The following FAR2 variants were observed in gnomAD, a reference collection of about 807,000 sequenced individuals.
FAR2 encodes epididymis secretory protein Li 81.
In FAR2, 19 loss-of-function variants were observed where a neutral mutation model predicts 56.0. That is an observed-to-expected ratio of 0.34 (90% CI 0.24 to 0.50). FAR2 has a LOEUF of 0.50. FAR2 is among the 20% of genes least tolerant of loss of function. The probability of loss-of-function intolerance (pLI) is 0.98; values close to 1 mark genes in which losing one functional copy is unlikely to be tolerated. For synonymous variants in FAR2, 219 were observed against 218.8 expected, an observed-to-expected ratio of 1.00 and a Z score of -0.01; for missense variants, 508 against 642.2, an observed-to-expected ratio of 0.79 and a Z score of 2.26.
In FAR2 at chr12:29,177,751, A is replaced by G. The variant is rs540407188; in HGVS notation, c.-39+28344A>G. On this transcript the variant is annotated intron_variant, in intron 1 of 11. Coordinates refer to ENST00000536681, the MANE Select transcript of FAR2 (RefSeq NM_001271783.2). ...GGCTCTAGATGGTATTTTTATCCCC[A>G]TTTCACAGATGCGTTCCAAGATTTT... 3.3e-5 allele frequency among the ~76,000 whole-genome samples: 5 copies of G among 152,220 alleles called. No individual in the cohort carries two copies. In the East Asian group the frequency reaches 9.7e-4, roughly 29 times the overall value.
intron 1 of FAR2, among the ~76,000 whole-genome samples, chr12:29,162,774 A>T (rs1013756207): frequency 6.6e-6 from 1 of 152,168 alleles, no homozygotes; most frequent in African/African-American, 2.4e-5. Flanking sequence ...TCACACATTT[A>T]CTGTCTCATT....
At chr12:29,295,220 CCCA>C (rs1949040594) in intron 3 of FAR2, among the ~76,000 whole-genome samples, 1 of 152,070 alleles carries the variant, frequency 6.6e-6, no homozygotes, top group Non-Finnish European at 1.5e-5. Flanking sequence ...ACTACAGGCA[CCCA>C]CCACCATGCC....
intron 1 of FAR2, among the ~76,000 whole-genome samples, chr12:29,199,945 T>A (rs758971757): frequency 1.3e-5 from 2 of 152,186 alleles, no homozygotes; most frequent in Non-Finnish European, 2.9e-5. Flanking sequence ...GACATCTGAA[T>A]AGAGTAGTAG....
In FAR2 at chr12:29,149,384, C is replaced by G. The variant is rs1264627022; in HGVS notation, c.-62C>G. The G allele has an allele frequency of 6.6e-6, 1 of 152,344 alleles. No homozygotes were observed. Among genetic ancestry groups the G allele is most frequent in the South Asian group, 2.1e-4 (1 of 4,838 alleles). The allele number at this position is 152,344 out of a possible 1,614,324, so 9.4% of individuals were successfully genotyped here. A position where few individuals can be genotyped will look rare whatever the true frequency, so the allele number is the denominator to read the frequency against. ...GGATTTAGAGGACCACTAGTTGGAC[C>G]CCATCCTCGTGCTGGAGGAACAGGT... On this transcript the variant is annotated 5_prime_UTR_variant, in exon 1 of 12. Transcript: ENST00000536681.
At chr12:29,155,974 A>G (rs1271770011) in intron 1 of FAR2, among the ~76,000 whole-genome samples, 1 of 152,268 alleles carries the variant, frequency 6.6e-6, no homozygotes, top group Non-Finnish European at 1.5e-5. Flanking sequence ...ATTCAGGCAC[A>G]GAAAGAGAAA....
chr12:29,325,838 G>C (rs1395731519), intron 10 of FAR2, among the ~76,000 whole-genome samples: 1 of 152,120 alleles, frequency 6.6e-6, no homozygotes, highest in East Asian at 1.9e-4. Flanking sequence ...ACAATTAAAA[G>C]AACTAGAGAA....
At position 29,232,821 on chromosome 12, in the gene FAR2, G is replaced by GCGCACACACA. The variant is rs71444325; in HGVS notation, c.-38-37590_-38-37589insGCACACACAC. Among the ~76,000 whole-genome samples the GCGCACACACA allele has an allele frequency of 8.7e-3, 1,270 of 145,930 alleles. 27 individuals are homozygous for GCGCACACACA. The highest frequency in any genetic ancestry group is 0.03 in the African/African-American group (1,198 of 40,082). On this transcript the variant is annotated intron_variant, in intron 1 of 11. Coordinates refer to ENST00000536681, the MANE Select transcript of FAR2 (RefSeq NM_001271783.2). The stretch of plus-strand genomic sequence containing the variant: ...CACACACACACACATACGCGCTCGC[G>GCGCACACACA]CACACACACACACACACACACACAC...
At chr12:29,199,201 G>GTGTA (rs1947371900) in intron 1 of FAR2, among the ~76,000 whole-genome samples, 1 of 152,192 alleles carries the variant, frequency 6.6e-6, no homozygotes, top group African/African-American at 2.4e-5. Flanking sequence ...ATATGCCATA[G>GTGTA]TGTATGACAC....
Position 29,307,717 on chromosome 12 carries a change from A to G in FAR2, c.605A>G (p.Asn202Ser). The G allele has an allele frequency of 1.2e-6, 2 of 1,613,940 alleles. No individual in the cohort carries two copies. Among genetic ancestry groups the G allele is most frequent in the Non-Finnish European group, 1.7e-6 (2 of 1,179,888 alleles). Residue 202 changes from asparagine (N) to serine (S), a missense_variant, in exon 5 of 12, where the codon AAT (asparagine) becomes AGT (serine). Coordinates refer to ENST00000536681, the MANE Select transcript of FAR2 (RefSeq NM_001271783.2). ...CCCAAGCTGATCAGAGATTGGCCCA[A>G]TATTTATACCTACACCAAGGCCTTG... ...ITPKLIRDWPNIYTYTKALGE... is the reference protein window; with the variant it reads ...ITPKLIRDWPSIYTYTKALGE...
At chr12:29,211,396 G>T (rs1197020919) in intron 1 of FAR2, among the ~76,000 whole-genome samples, 3 of 152,180 alleles carry the variant, frequency 2.0e-5, no homozygotes, top group Non-Finnish European at 2.9e-5. Context: ...TTTAAAGAGT[G>T]CTTTACATTT....
intron 4 of FAR2, among the ~76,000 whole-genome samples, chr12:29,298,091 G>A (rs2136761434): frequency 6.6e-6 from 1 of 150,902 alleles, no homozygotes; most frequent in South Asian, 2.1e-4. Flanking sequence ...TCCAAGATCT[G>A]GCAGAAGGTG....
chr12:29,303,058 C>A (rs759504053), intron 4 of FAR2, among the ~76,000 whole-genome samples: 29 of 152,122 alleles, frequency 1.9e-4, no homozygotes, highest in African/African-American at 2.7e-4. Context: ...TGAAGCAATG[C>A]GTTTTTGAGA....
chr12:29,249,684 A>G (rs957662702), intron 1 of FAR2, among the ~76,000 whole-genome samples: 7 of 152,204 alleles, frequency 4.6e-5, no homozygotes, highest in Admixed American at 3.3e-4. Context: ...GCTGCTTCTG[A>G]TAGTATCCAT....
chr12:29,251,417 T>A (rs1294896961), intron 1 of FAR2, among the ~76,000 whole-genome samples: 1 of 152,162 alleles, frequency 6.6e-6, no homozygotes, highest in Non-Finnish European at 1.5e-5. Context: ...TTTTGAGGGA[T>A]AACTGGAGAC....
chr12:29,188,472 T>C (rs965995433), intron 1 of FAR2, among the ~76,000 whole-genome samples: 1 of 152,058 alleles, frequency 6.6e-6, no homozygotes, highest in African/African-American at 2.4e-5. Context: ...TTGGGGATAA[T>C]TTGATAATTT....
At chr12:29,257,633 A>C (rs1164807116) in intron 1 of FAR2, among the ~76,000 whole-genome samples, 4 of 152,200 alleles carry the variant, frequency 2.6e-5, no homozygotes, top group Non-Finnish European at 5.9e-5. Context: ...CAGCGAGACC[A>C]CGAGCCCACC....
intron 9 of FAR2, among the ~76,000 whole-genome samples, chr12:29,318,607 AG>A (rs2136806269): frequency 6.6e-6 from 1 of 152,308 alleles, no homozygotes; most frequent in South Asian, 2.1e-4. Flanking sequence ...TTCCTGCTCC[AG>A]GTGTGCTTGT....
chr12:29,286,013 C>G (rs1948869138), intron 2 of FAR2, among the ~76,000 whole-genome samples: 1 of 151,974 alleles, frequency 6.6e-6, no homozygotes, highest in African/African-American at 2.4e-5. Flanking sequence ...TTAGAAGTAT[C>G]TGGATCACAG....
intron 1 of FAR2, among the ~76,000 whole-genome samples, chr12:29,214,992 A>G (rs1026481234): frequency 1.3e-5 from 2 of 152,198 alleles, no homozygotes; most frequent in Non-Finnish European, 2.9e-5. Flanking sequence ...ATGTAATAAA[A>G]GAAGCAGTCA....
Sources: allele counts gnomAD v4.1 joint callset (sites outside exome capture counted in the v4.1 genomes callset), GRCh38; gene constraint gnomAD v4.1.1; transcripts MANE v1.5; gene names NCBI Gene and HGNC (gene_info 2026-07-23, HGNC 2026-07-21).